The following SNX7 variants were observed in gnomAD, a reference collection of about 807,000 sequenced individuals.
SNX7 encodes the protein sorting nexin-7.
A neutral mutation model predicts 48.4 loss-of-function variants in SNX7; 35 were observed. That is an observed-to-expected ratio of 0.72 (90% CI 0.55 to 0.96). The LOEUF (loss-of-function observed/expected upper bound fraction) is 0.96. Among genes scored for constraint, SNX7 ranks in the 40% least tolerant of loss-of-function variants. SNX7 has a pLI of 0.00. For missense variants in SNX7, 553 were observed against 548.9 expected, an observed-to-expected ratio of 1.01 and a Z score of -0.07; for synonymous variants, 190 against 190.2, an observed-to-expected ratio of 1.00 and a Z score of 0.01.
At chr1:98,741,876 T>C (rs1466516488) in intron 8 of SNX7, among the ~76,000 whole-genome samples, 2 of 152,150 alleles carry the variant, frequency 1.3e-5, no homozygotes, top group African/African-American at 2.4e-5. Context: ...AGCACATTCT[T>C]CTCAAAGCTT....
At chr1:98,682,981 C>T (rs979367829) in intron 1 of SNX7, among the ~76,000 whole-genome samples, 1 of 152,222 alleles carries the variant, frequency 6.6e-6, no homozygotes, top group African/African-American at 2.4e-5. Context: ...CTTTCTGTTG[C>T]ATTTTTATAT....
intron 4 of SNX7, among the ~76,000 whole-genome samples, chr1:98,693,266 A>T (rs1306856120): frequency 6.6e-6 from 1 of 152,178 alleles, no homozygotes; most frequent in East Asian, 1.9e-4. Flanking sequence ...GGAGTGTCTA[A>T]TTTCTAATAC....
chr1:98,726,436 G>A (rs78400434), intron 7 of SNX7, among the ~76,000 whole-genome samples: 1,951 of 152,278 alleles, frequency 0.013, 55 homozygotes, highest in African/African-American at 0.045. Flanking sequence ...GTTGAGGCAG[G>A]TGTTGCATCC....
Position 98,740,074 on chromosome 1 carries a change from T to G in SNX7, c.1278+1685T>G, listed in dbSNP as rs1016673963. On this transcript the variant is annotated intron_variant, in intron 8 of 8. Transcript: ENST00000306121. Reference sequence around the variant, plus strand: ...AGATTATGGAACAGATCCATGGTTTTGTTTTGTTTTGTTTTGTTTTTTAAC... The same window carrying G: ...AGATTATGGAACAGATCCATGGTTTGGTTTTGTTTTGTTTTGTTTTTTAAC... Among the ~76,000 whole-genome samples the G allele has an allele frequency of 1.1e-4, 17 of 152,132 alleles. 1 individual carries two copies. Among genetic ancestry groups the G allele is most frequent in the South Asian group, 4.1e-4 (2 of 4,828 alleles).
chr1:98,714,717 A>G (rs1056923130), intron 7 of SNX7, among the ~76,000 whole-genome samples: 2 of 152,154 alleles, frequency 1.3e-5, no homozygotes, highest in African/African-American at 2.4e-5. Flanking sequence ...ATGAATTCAC[A>G]TGTTCCAGGA....
At chr1:98,662,102 G>C (rs1025367906) in intron 1 of SNX7, 191 bp downstream of exon 1, 1 of 504,580 alleles carries the variant, frequency 2.0e-6, no homozygotes, top group Non-Finnish European at 3.1e-6. Context: ...GCGTCGCCTC[G>C]GGGCCTCAAA....
chr1:98,745,037 T>C (rs1654247843), intron 8 of SNX7, among the ~76,000 whole-genome samples: 1 of 152,050 alleles, frequency 6.6e-6, no homozygotes, highest in Non-Finnish European at 1.5e-5. Flanking sequence ...TAATTTCTGA[T>C]ACACACCATG....
chr1:98,664,891 A>T (rs1649457310), intron 1 of SNX7, among the ~76,000 whole-genome samples: 1 of 152,170 alleles, frequency 6.6e-6, no homozygotes, highest in Admixed American at 6.5e-5. Context: ...AATAAAAAAG[A>T]TACACAAATG....
chr1:98,706,585 G>T (rs1349193549), intron 7 of SNX7, among the ~76,000 whole-genome samples: 1 of 152,176 alleles, frequency 6.6e-6, no homozygotes, highest in Non-Finnish European at 1.5e-5. Flanking sequence ...GATGATTATT[G>T]TGCTTGGAGA....
At chr1:98,746,072 G>T (rs1654295132) in intron 8 of SNX7, among the ~76,000 whole-genome samples, 1 of 151,996 alleles carries the variant, frequency 6.6e-6, no homozygotes, top group Non-Finnish European at 1.5e-5. Flanking sequence ...AGCCTTCTGT[G>T]ATTCTAGAAC....
chr1:98,683,535 G>A (rs1650617772), intron 1 of SNX7, among the ~76,000 whole-genome samples: 1 of 152,014 alleles, frequency 6.6e-6, no homozygotes, highest in Non-Finnish European at 1.5e-5. Context: ...GATTAGGATT[G>A]GTGCCCTTAT....
chr1:98,728,116 A>C (rs1653286944), intron 7 of SNX7, among the ~76,000 whole-genome samples: 1 of 152,162 alleles, frequency 6.6e-6, no homozygotes, highest in Non-Finnish European at 1.5e-5. Flanking sequence ...TGAAGGAAAA[A>C]ATGTTAAGAG....
At position 98,738,360 on chromosome 1, in the gene SNX7, G is replaced by T. The variant is rs761438164; in HGVS notation, c.1249G>T (p.Ala417Ser). ...NDIKLAFTDM[A>S]EENIHYYEQC... The stretch of plus-strand genomic sequence containing the variant: ...TATCAAGTTAGCATTTACAGATATG[G>T]CTGAGGAGAATATCCATTATTATGA... The change falls in exon 8 of 9, where the codon GCT (alanine) becomes TCT (serine). Residue 417 changes from alanine to serine, a missense_variant. Coordinates refer to ENST00000306121, the MANE Select transcript of SNX7 (RefSeq NM_015976.5). 4.1e-5 allele frequency: 66 copies of T among 1,613,268 alleles called. No homozygotes were observed. The highest frequency in any genetic ancestry group is 5.4e-5 in the Non-Finnish European group (64 of 1,179,590).
chr1:98,666,777 G>A, intron 1 of SNX7, among the ~76,000 whole-genome samples: 1 of 152,168 alleles, frequency 6.6e-6, no homozygotes, highest in East Asian at 1.9e-4. Context: ...TCCCAGGCTA[G>A]ATCATGAAAG....
intron 7 of SNX7, among the ~76,000 whole-genome samples, chr1:98,735,698 T>C (rs936754458): frequency 6.6e-6 from 1 of 152,182 alleles, no homozygotes; most frequent in Non-Finnish European, 1.5e-5. Flanking sequence ...AGTCAATTAA[T>C]GGTCATTGTT....
intron 1 of SNX7, 27 bp downstream of exon 1, chr1:98,661,938 G>A: frequency 8.8e-6 from 11 of 1,246,594 alleles, no homozygotes; most frequent in Non-Finnish European, 1.1e-5. Context: ...CGAGTCCCGG[G>A]AAACTTCCAA....
chr1:98,756,880 A>T (rs1028052396), intron 8 of SNX7, among the ~76,000 whole-genome samples: 11 of 152,006 alleles, frequency 7.2e-5, no homozygotes, highest in African/African-American at 2.2e-4. Flanking sequence ...CCCAAATCTC[A>T]TGTTGAAATG....
chr1:98,676,505 C>T (rs184808498), intron 1 of SNX7, among the ~76,000 whole-genome samples: 1 of 152,212 alleles, frequency 6.6e-6, no homozygotes, highest in African/African-American at 2.4e-5. Flanking sequence ...ATTCTTCTTT[C>T]TTCAGTTAGC....
At chr1:98,676,091 T>A (rs2100921953) in intron 1 of SNX7, among the ~76,000 whole-genome samples, 1 of 152,240 alleles carries the variant, frequency 6.6e-6, no homozygotes, top group South Asian at 2.1e-4. Flanking sequence ...TTAACTTTTT[T>A]TTTTAATAGC....
Sources: gnomAD v4.1 joint callset for allele counts (sites outside exome capture counted in the v4.1 genomes callset) on GRCh38, gnomAD v4.1.1 for gene constraint, MANE v1.5 for transcripts, NCBI Gene and HGNC (gene_info 2026-07-23, HGNC 2026-07-21) for gene names.